PPEF2: variants seen among roughly 807,000 people sequenced by gnomAD.
PPEF2 encodes protein phosphatase with EF-hand domain 2.
In PPEF2, 84 loss-of-function variants were observed where a neutral mutation model predicts 84.7. The observed-to-expected ratio is 0.99, with a 90% CI of 0.83 to 1.19. The LOEUF (loss-of-function observed/expected upper bound fraction) is 1.19. Among genes scored for constraint, PPEF2 ranks in the 50% most tolerant of loss-of-function variants. The pLI, the probability that PPEF2 is intolerant of heterozygous loss-of-function variation, is 0.00. For missense variants in PPEF2, 924 were observed against 937.5 expected (o/e 0.99, Z 0.19); for synonymous variants, 346 against 345.2 (o/e 1.00, Z -0.03).
chr4:75,877,937 A>C (rs544336318), intron 10 of PPEF2, among the ~76,000 whole-genome samples: 6 of 152,326 alleles, frequency 3.9e-5, no homozygotes, highest in Non-Finnish European at 5.9e-5. Flanking sequence ...AAGGATAGGA[A>C]AGGGCAACTC....
At chr4:75,874,497 A>G (rs1220183293) in intron 11 of PPEF2, among the ~76,000 whole-genome samples, 1 of 152,134 alleles carries the variant, frequency 6.6e-6, no homozygotes, top group East Asian at 1.9e-4. Flanking sequence ...GGATTTCACC[A>G]TGTTAACCAG....
At chr4:75,883,383 G>A (rs1231179401) in intron 8 of PPEF2, 181 bp from the exon 9 acceptor site, 2 of 592,782 alleles carry the variant, frequency 3.4e-6, no homozygotes, top group East Asian at 2.8e-5. Context: ...AGAAATTATG[G>A]GATATTTTAA....
chr4:75,900,523 C>T (rs1335869131), intron 1 of PPEF2, among the ~76,000 whole-genome samples: 1 of 152,170 alleles, frequency 6.6e-6, no homozygotes. Flanking sequence ...ACCATTATAA[C>T]AGCAAAGGCA....
intron 11 of PPEF2, 149 bp downstream of exon 11, chr4:75,876,138 T>A: frequency 1.0e-6 from 1 of 989,248 alleles, no homozygotes; most frequent in East Asian, 2.5e-5. Context: ...AACATATGAG[T>A]CATTAGGCAA....
chr4:75,897,713 T>C (rs902133959), intron 1 of PPEF2, among the ~76,000 whole-genome samples: 6 of 152,122 alleles, frequency 3.9e-5, no homozygotes, highest in African/African-American at 1.2e-4. Context: ...AGGCAGAGGT[T>C]GCAGTGAGCC....
intron 14 of PPEF2, 81 bp downstream of exon 14, chr4:75,867,232 A>T: frequency 9.4e-7 from 1 of 1,061,594 alleles, no homozygotes; most frequent in Non-Finnish European, 1.4e-6. Flanking sequence ...AGCAACAAAT[A>T]TTTATTTGCT....
At chr4:75,888,107 C>T in intron 6 of PPEF2, 107 bp downstream of exon 6, 1 of 841,566 alleles carries the variant, frequency 1.2e-6, no homozygotes, top group Non-Finnish European at 2.0e-6. Flanking sequence ...TTAAATTTGG[C>T]TTATCATCAC....
At chr4:75,866,090 C>T in intron 15 of PPEF2, 99 bp downstream of exon 15, 1 of 1,328,758 alleles carries the variant, frequency 7.5e-7, no homozygotes, top group East Asian at 2.4e-5. Flanking sequence ...ACCCATCCAG[C>T]TTTTTGGGTT....
intron 10 of PPEF2, among the ~76,000 whole-genome samples, chr4:75,877,411 AAG>A (rs1322707022): frequency 1.3e-5 from 2 of 151,910 alleles, no homozygotes; most frequent in Non-Finnish European, 2.9e-5. Flanking sequence ...AAAAGAAAGA[AAG>A]AGAGAGAAAG....
chr4:75,868,430 C>T (rs909679160), intron 13 of PPEF2, among the ~76,000 whole-genome samples: 2 of 151,182 alleles, frequency 1.3e-5, no homozygotes, highest in Non-Finnish European at 1.5e-5. Context: ...CCTATCTTTT[C>T]CCGTGTTAAA....
chr4:75,876,316 G>T lies in PPEF2; in HGVS notation c.1291C>A (p.Arg431=). 1 of 1,611,170 alleles carries T rather than the reference G, an allele frequency of 6.2e-7. No individual in the cohort carries two copies. Among genetic ancestry groups the T allele is most frequent in the South Asian group, 1.1e-5 (1 of 90,684 alleles). Residue 431 remains arginine, a synonymous_variant, in exon 11 of 17, where the codon CGG becomes AGG. Transcript: ENST00000286719. The stretch of plus-strand genomic sequence containing the variant: ...CTCCACTCCTCCTGAGTGGGCTTCC[G>T]CAGCTCTCCGGCTTCAGAGTCTGCT... ...SEADSEAGEL[R]KPTQEEWRQV...
At position 75,888,261 on chromosome 4, in the gene PPEF2, T is replaced by C; in HGVS notation, c.485A>G (p.Asn162Ser). Residue 162 changes from asparagine (N) to serine (S), a missense_variant, in exon 6 of 17, where the codon AAC becomes AGC. Asn to Ser is a conservative substitution (Grantham distance 46). Coordinates refer to ENST00000286719, the MANE Select transcript of PPEF2 (RefSeq NM_006239.3). The stretch of plus-strand genomic sequence containing the variant: ...GTAACAGGTTGAGACCCGGTTGATG[T>C]TTGGCAGCTGTACCAGATGTTTCTT... Reference protein sequence around the residue: ...ETKKHLVQLPNINRVSTCYSE... With the variant: ...ETKKHLVQLPSINRVSTCYSE... 6.2e-7 allele frequency: 1 copy of C among 1,614,066 alleles called. No homozygotes were observed. The highest frequency in any genetic ancestry group is 8.5e-7 in the Non-Finnish European group (1 of 1,179,976).
chr4:75,866,618 CTGTT>C (rs745773521), intron 14 of PPEF2: 23 of 445,368 alleles, frequency 5.2e-5, no homozygotes, highest in South Asian at 1.8e-4. Flanking sequence ...TATTTGTTGT[CTGTT>C]TGTCTGTAAT....
Position 75,890,121 on chromosome 4 carries a change from T to C in PPEF2, c.253A>G (p.Thr85Ala), listed in dbSNP as rs1383956140. The C allele has an allele frequency of 3.7e-6, 6 of 1,613,744 alleles. No individual in the cohort carries two copies. The highest frequency in any genetic ancestry group is 5.1e-6 in the Non-Finnish European group (6 of 1,179,974). ...AATCTGTCCTCAGTGAATATGCGGG[T>C]CAGGAAGTCCCCTAGTCCAGATAGA... The part of the protein sequence containing the change: ...PSSHNDRDFL[T>A]RIFTEDRFAQ... Residue 85 changes from threonine to alanine, a missense_variant, in exon 5 of 17, where the codon ACC becomes GCC. Transcript: ENST00000286719.
Position 75,876,441 on chromosome 4 carries a change from T to G in PPEF2, c.1166A>C (p.Gln389Pro), listed in dbSNP as rs1724414864. ...GSLDGRELSR[Q>P]VRSSVELELE... is the part of the protein sequence containing the mutation. ...CTCCAGTTCCACGGAGCTCCGCACC[T>G]GCCGGGAGAGCTCCCGCCCGTCCAG... Residue 389 changes from glutamine (Q) to proline (P), a missense_variant, in exon 11 of 17, where the codon CAG (glutamine) becomes CCG (proline). By Grantham distance (76) the Gln-to-Pro change is moderately conservative (BLOSUM62 -1). Coordinates refer to ENST00000286719, the MANE Select transcript of PPEF2 (RefSeq NM_006239.3). The G allele has an allele frequency of 6.2e-7, 1 of 1,614,138 alleles. No individual in the cohort carries two copies. Among genetic ancestry groups the G allele is most frequent in the African/African-American group, 1.3e-5 (1 of 75,066 alleles).
intron 10 of PPEF2, among the ~76,000 whole-genome samples, chr4:75,878,364 A>G (rs1403906364): frequency 6.6e-6 from 1 of 152,204 alleles, no homozygotes; most frequent in Non-Finnish European, 1.5e-5. Context: ...GCTATGGTGA[A>G]CCCCGAGGGG....
intron 10 of PPEF2, among the ~76,000 whole-genome samples, chr4:75,880,227 G>C (rs1016145041): frequency 1.2e-4 from 18 of 152,164 alleles, no homozygotes; most frequent in African/African-American, 4.3e-4. Flanking sequence ...TTTCCAAATA[G>C]GCGCTGTTCT....
intron 16 of PPEF2, among the ~76,000 whole-genome samples, chr4:75,863,077 G>C (rs1478520418): frequency 1.3e-5 from 2 of 152,176 alleles, no homozygotes; most frequent in African/African-American, 4.8e-5. Flanking sequence ...TATATCAAAT[G>C]TCCAGAACAG....
intron 12 of PPEF2, among the ~76,000 whole-genome samples, chr4:75,872,756 T>C (rs1003546538): frequency 2.0e-5 from 3 of 152,226 alleles, no homozygotes; most frequent in African/African-American, 7.2e-5. Context: ...GATTTGGAGA[T>C]GTCCAAAGAT....
Sources: gnomAD v4.1 joint callset for allele counts (sites outside exome capture counted in the v4.1 genomes callset) on GRCh38, gnomAD v4.1.1 for gene constraint, MANE v1.5 for transcripts, NCBI Gene and HGNC (gene_info 2026-07-23, HGNC 2026-07-21) for gene names.